Variants in GPCPD1 observed in about 807,000 individuals in gnomAD.
GPCPD1 encodes the protein glycerophosphocholine phosphodiesterase GPCPD1.
Under a neutral mutation model 89.2 loss-of-function variants are expected in GPCPD1, and 29 were observed. The observed-to-expected ratio is 0.33, with a 90% CI of 0.24 to 0.44. The LOEUF is 0.44. GPCPD1 is among the 20% of genes least tolerant of loss of function. GPCPD1 has a pLI of 1.00. For synonymous variants in GPCPD1, 258 were observed against 266.3 expected (o/e 0.97, Z 0.30); for missense variants, 594 against 808.9 (o/e 0.73, Z 3.22).
chr20:5,596,326 A>C (rs1979725232), intron 3 of GPCPD1, among the ~76,000 whole-genome samples: 1 of 152,138 alleles, frequency 6.6e-6, no homozygotes, highest in South Asian at 2.1e-4. Context: ...CAGGAGTTTG[A>C]GGTTAGAGTG....
intron 4 of GPCPD1, among the ~76,000 whole-genome samples, chr20:5,590,996 C>A (rs912576215): frequency 2.0e-5 from 3 of 152,052 alleles, no homozygotes; most frequent in South Asian, 2.1e-4. Context: ...ATTCTACCCA[C>A]AAGCAAAGAG....
intron 1 of GPCPD1, among the ~76,000 whole-genome samples, chr20:5,610,614 C>A (rs1980901500): frequency 6.6e-6 from 1 of 152,088 alleles, no homozygotes. Flanking sequence ...CCAGCAGAAG[C>A]GCGGCAGTGA....
rs1262182264 is a variant in GPCPD1 at position 5,553,931 on chromosome 20, A to G, written c.1829+4014T>C. Among the ~76,000 whole-genome samples, 4 of 87,458 alleles carry G rather than the reference A, an allele frequency of 4.6e-5. 1 individual carries two copies. The highest frequency in any genetic ancestry group is 2.2e-4 in the African/African-American group (4 of 18,468). 57.4% of individuals were successfully genotyped at this position (87,458 alleles called of 152,430 possible). A position where few individuals can be genotyped will look rare whatever the true frequency, so the allele number is the denominator to read the frequency against. On this transcript the variant is annotated intron_variant, in intron 19 of 19. Coordinates refer to ENST00000379019, the MANE Select transcript of GPCPD1 (RefSeq NM_019593.5). ...GTTAAGGTATCCAGAAGGTCTTGCT[A>G]AGATCACTTAACAAAGTGGCTACAT...
chr20:5,554,405 T>A (rs1383511466), intron 19 of GPCPD1, among the ~76,000 whole-genome samples: 1 of 152,162 alleles, frequency 6.6e-6, no homozygotes, highest in Non-Finnish European at 1.5e-5. Flanking sequence ...GCTGCTTCTC[T>A]TGTTAGGGGC....
chr20:5,609,468 A>G lies in GPCPD1; in HGVS notation c.-29+1374T>C, dbSNP rs16991131. On this transcript the variant is annotated intron_variant, in intron 1 of 19. Coordinates refer to ENST00000379019, the MANE Select transcript of GPCPD1 (RefSeq NM_019593.5). ...GAATAAGTTTCTTTACGCCAAGTTA[A>G]TTCCTTGATCAACTTTCTAAACAAT... is the stretch of plus-strand genomic sequence containing the variant. 6.5e-3 allele frequency among the ~76,000 whole-genome samples: 997 copies of G among 152,340 alleles called. 28 individuals carry two copies. The East Asian group carries it at 0.067, about 10-fold the overall frequency.
intron 4 of GPCPD1, among the ~76,000 whole-genome samples, chr20:5,588,468 G>A (rs1483624379): frequency 6.6e-6 from 1 of 152,024 alleles, no homozygotes; most frequent in Non-Finnish European, 1.5e-5. Context: ...TCACACCACT[G>A]CACTTCAGCG....
chr20:5,573,880 C>A, intron 11 of GPCPD1, 35 bp downstream of exon 11: 1 of 1,071,002 alleles, frequency 9.3e-7, no homozygotes, highest in Non-Finnish European at 1.5e-6. Flanking sequence ...TATTTCTCTA[C>A]CTCAGCAGTC....
intron 2 of GPCPD1, among the ~76,000 whole-genome samples, chr20:5,603,148 C>G (rs1980292592): frequency 6.6e-6 from 1 of 151,924 alleles, no homozygotes; most frequent in Non-Finnish European, 1.5e-5. Context: ...CAAAAATTAG[C>G]CAGGCACGGT....
intron 19 of GPCPD1, among the ~76,000 whole-genome samples, chr20:5,556,977 CTG>C (rs1241075064): frequency 6.6e-6 from 1 of 152,202 alleles, no homozygotes; most frequent in East Asian, 1.9e-4. Context: ...AGGGAGTGCA[CTG>C]TGAATAGAAG....
Position 5,557,888 on chromosome 20 carries a change from G to A in GPCPD1, c.1829+57C>T, listed in dbSNP as rs188049148. 150 of 905,956 alleles carry A rather than the reference G, an allele frequency of 1.7e-4. 1 individual carries two copies. The Middle Eastern group carries it at 2.0e-3, about 12-fold the overall frequency. 56.1% of individuals were successfully genotyped at this position (905,956 alleles called of 1,614,324 possible). A position where few individuals can be genotyped will look rare whatever the true frequency, so the allele number is the denominator to read the frequency against. ...TAAGTTTAATTTTATTTATAATTTC[G>A]TAAGATGAAATCTATACTTCTAAAT... On this transcript the variant is annotated intron_variant, in intron 19 of 19. Coordinates refer to ENST00000379019, the MANE Select transcript of GPCPD1 (RefSeq NM_019593.5).
chr20:5,607,821 TAA>T lies in GPCPD1; in HGVS notation c.-29+3019_-29+3020del, dbSNP rs11478411. On this transcript the variant is annotated intron_variant, in intron 1 of 19. Transcript: ENST00000379019. Reference sequence around the variant, plus strand: ...TGACAGAATGAGACTCTGTCTCAAATAAAAAAAAAAAAAAAAAGCCTGACATT... The same window carrying T: ...TGACAGAATGAGACTCTGTCTCAAATAAAAAAAAAAAAAAAGCCTGACATT... Among the ~76,000 whole-genome samples, 549 of 112,908 alleles carry T rather than the reference TAA, an allele frequency of 4.9e-3. 6 individuals are homozygous for T. The highest frequency in any genetic ancestry group is 0.013 in the African/African-American group (456 of 34,302). The allele number at this position is 112,908 out of a possible 152,430, so 74.1% of individuals were successfully genotyped here. A position where few individuals can be genotyped will look rare whatever the true frequency, so the allele number is the denominator to read the frequency against.
chr20:5,582,110 C>G (rs1444360917), intron 6 of GPCPD1, among the ~76,000 whole-genome samples: 1 of 132,714 alleles, frequency 7.5e-6, no homozygotes, highest in Non-Finnish European at 1.6e-5. Context: ...GGCGTGAACC[C>G]GGGAGGCGGA....
In GPCPD1 at chr20:5,595,817, C is replaced by A. The variant is rs977721409; in HGVS notation, c.147-2406G>T. Among the ~76,000 whole-genome samples, 3 of 148,722 alleles carry A rather than the reference C, an allele frequency of 2.0e-5. No homozygotes were observed. In the East Asian group the frequency reaches 5.9e-4, roughly 29 times the overall value. ...CCAAAAAGAAAAAAAGGGGGGGGGA[C>A]AAATTCCCAGTACTACCTCATCTCC... is the stretch of plus-strand genomic sequence containing the variant. On this transcript the variant is annotated intron_variant, in intron 3 of 19. Transcript: ENST00000379019.
chr20:5,587,915 T>C (rs1032886855), intron 4 of GPCPD1, among the ~76,000 whole-genome samples: 11 of 152,182 alleles, frequency 7.2e-5, no homozygotes, highest in Non-Finnish European at 1.5e-4. Flanking sequence ...TTCTGAAGTT[T>C]AAAAACTAAA....
chr20:5,547,669 T>A lies in GPCPD1; in HGVS notation c.2011A>T (p.Asn671Tyr). The change falls in exon 20 of 20, where the codon AAT becomes TAT. Residue 671 changes from asparagine (N) to tyrosine (Y), a missense_variant. Physicochemically the swap from Asn to Tyr is moderately radical, Grantham distance 143. Transcript: ENST00000379019. ...CCTCTGTGCAATAAAAACTAAGCAT[T>A]CTCCACGTTATCAATGCCGTTGGCA... is the stretch of plus-strand genomic sequence containing the variant. ...VDANGIDNVENA is the reference protein window; with the variant it reads ...VDANGIDNVEYA 6.3e-7 allele frequency: 1 copy of A among 1,589,510 alleles called. No homozygotes were observed. Among genetic ancestry groups the A allele is most frequent in the African/African-American group, 1.3e-5 (1 of 74,532 alleles).
intron 19 of GPCPD1, among the ~76,000 whole-genome samples, chr20:5,557,230 G>A (rs760859639): frequency 6.6e-6 from 1 of 152,146 alleles, no homozygotes; most frequent in Non-Finnish European, 1.5e-5. Flanking sequence ...AACATGATCA[G>A]ACATAGGTCT....
At chr20:5,597,956 T>G (rs1349014844) in intron 3 of GPCPD1, among the ~76,000 whole-genome samples, 1 of 152,150 alleles carries the variant, frequency 6.6e-6, no homozygotes, top group Admixed American at 6.5e-5. Flanking sequence ...GGAAATACTT[T>G]TATAGGCAAA....
intron 14 of GPCPD1, among the ~76,000 whole-genome samples, 194 bp downstream of exon 14, chr20:5,566,539 G>A (rs895808820): frequency 2.0e-5 from 3 of 152,200 alleles, no homozygotes; most frequent in South Asian, 4.2e-4. Context: ...GCAATGCAAT[G>A]GTTACTATAC....
At chr20:5,593,867 C>T (rs536541351) in intron 3 of GPCPD1, among the ~76,000 whole-genome samples, 17 of 152,296 alleles carry the variant, frequency 1.1e-4, no homozygotes, top group Admixed American at 5.2e-4. Context: ...TGTTACATGG[C>T]TGATAAGAGA....
Sources: allele counts gnomAD v4.1 joint callset (sites outside exome capture counted in the v4.1 genomes callset), GRCh38; gene constraint gnomAD v4.1.1; transcripts MANE v1.5; gene names NCBI Gene and HGNC (gene_info 2026-07-23, HGNC 2026-07-21).